MOK: variants seen among roughly 807,000 people sequenced by gnomAD.
MOK encodes the protein MOK protein kinase.
MOK carries 59 observed loss-of-function variants against 54.2 expected under a neutral mutation model. That is an observed-to-expected ratio of 1.09 (90% CI 0.88 to 1.35). The LOEUF (loss-of-function observed/expected upper bound fraction) is 1.35, where lower values mean the gene tolerates loss of function less well. Among genes scored for constraint, MOK ranks in the 40% most tolerant of loss-of-function variants. MOK has a pLI of 0.00. For synonymous variants in MOK, 210 were observed against 202.7 expected (o/e 1.04, Z -0.31); for missense variants, 517 against 526.2 (o/e 0.98, Z 0.17).
chr14:102,247,752 T>G (rs576762163), intron 7 of MOK, among the ~76,000 whole-genome samples: 1 of 152,326 alleles, frequency 6.6e-6, no homozygotes, highest in Admixed American at 6.5e-5. Context: ...ATGAACAGTG[T>G]TGCTTTTATC....
intron 2 of MOK, among the ~76,000 whole-genome samples, chr14:102,269,583 C>T (rs2068192821): frequency 6.6e-6 from 1 of 151,756 alleles, no homozygotes; most frequent in African/African-American, 2.4e-5. Context: ...AGTGATTCTC[C>T]TGCCTCAGCC....
At chr14:102,269,465 C>G (rs901827752) in intron 2 of MOK, among the ~76,000 whole-genome samples, 1 of 149,946 alleles carries the variant, frequency 6.7e-6, no homozygotes, top group African/African-American at 2.5e-5. Flanking sequence ...GCCACCACAA[C>G]CAGCTTTTTT....
At chr14:102,258,896 C>T (rs2067177109) in intron 4 of MOK, among the ~76,000 whole-genome samples, 1 of 152,102 alleles carries the variant, frequency 6.6e-6, no homozygotes, top group Admixed American at 6.6e-5. Context: ...GAAACCCCGT[C>T]TCTACTAAAA....
intron 2 of MOK, among the ~76,000 whole-genome samples, chr14:102,269,674 T>C (rs2068201191): frequency 6.6e-6 from 1 of 151,910 alleles, no homozygotes; most frequent in African/African-American, 2.4e-5. Context: ...GGTTTCACCA[T>C]GTTGGCCAGG....
At chr14:102,233,451 G>A in intron 8 of MOK, 1 of 498,830 alleles carries the variant, frequency 2.0e-6, no homozygotes, top group African/African-American at 1.9e-5. Flanking sequence ...CCAGCCCTCA[G>A]AAAGCCTGTG....
At chr14:102,255,071 G>C (rs930788306) in intron 4 of MOK, among the ~76,000 whole-genome samples, 7 of 152,212 alleles carry the variant, frequency 4.6e-5, no homozygotes, top group African/African-American at 1.7e-4. Context: ...TGTAATCCCA[G>C]CACTTTGGGA....
intron 4 of MOK, among the ~76,000 whole-genome samples, chr14:102,256,696 T>C (rs1260428785): frequency 6.7e-6 from 1 of 149,930 alleles, no homozygotes; most frequent in East Asian, 1.9e-4. Flanking sequence ...CCACTGCACC[T>C]GGCCCTATGA....
chr14:102,223,044 G>A (rs1036938751), downstream of MOK: 4 of 689,536 alleles, frequency 5.8e-6, no homozygotes, highest in Admixed American at 3.0e-5. Context: ...GCGGCGCCGT[G>A]CTCCCGCTGC....
intron 2 of MOK, among the ~76,000 whole-genome samples, chr14:102,271,474 A>T (rs1313523522): frequency 2.0e-5 from 3 of 152,236 alleles, no homozygotes; most frequent in Admixed American, 1.3e-4. Flanking sequence ...AAATACTCTT[A>T]CACAAACTTT....
rs578177819 is a variant in MOK at position 102,276,009 on chromosome 14, T to C, written c.122+7469A>G. 2.7e-3 allele frequency among the ~76,000 whole-genome samples: 415 copies of C among 152,244 alleles called. 2 individuals carry two copies. The highest frequency in any genetic ancestry group is 4.8e-3 in the Non-Finnish European group (325 of 68,016). On this transcript the variant is annotated intron_variant, in intron 2 of 11. Transcript: ENST00000361847. ...CAGGCAATTCATAAATGAAGATACATGAATGGCCAATAAGTACATGATCAA... is the reference window on the plus strand; with the variant it reads ...CAGGCAATTCATAAATGAAGATACACGAATGGCCAATAAGTACATGATCAA...
At chr14:102,279,006 C>T (rs1171655563) in intron 2 of MOK, among the ~76,000 whole-genome samples, 1 of 152,092 alleles carries the variant, frequency 6.6e-6, no homozygotes, top group Non-Finnish European at 1.5e-5. Flanking sequence ...CTGTGGTTAT[C>T]CCCATTGTAT....
At chr14:102,294,352 A>C (rs1442945235) in intron 1 of MOK, among the ~76,000 whole-genome samples, 1 of 151,804 alleles carries the variant, frequency 6.6e-6, no homozygotes, top group Non-Finnish European at 1.5e-5. Context: ...AGGCTGAGGC[A>C]GGAAAATGGC....
intron 3 of MOK, 112 bp from the exon 4 acceptor site, chr14:102,263,728 T>C (rs2067663059): frequency 3.1e-6 from 2 of 635,170 alleles, no homozygotes; most frequent in Admixed American, 6.1e-5. Flanking sequence ...TACTCCCACA[T>C]CAAATACTAC....
At chr14:102,241,680 A>G (rs1358879467) in intron 7 of MOK, among the ~76,000 whole-genome samples, 1 of 152,184 alleles carries the variant, frequency 6.6e-6, no homozygotes, top group African/African-American at 2.4e-5. Context: ...CAAAAATTAG[A>G]TTCCGGCCCT....
intron 10 of MOK, 162 bp from the exon 11 acceptor site, chr14:102,229,819 G>C (rs2064502425): frequency 1.5e-6 from 1 of 665,242 alleles, no homozygotes; most frequent in Non-Finnish European, 2.5e-6. Context: ...CCCCAAGGGA[G>C]TGGCTGCCCA....
downstream of MOK, chr14:102,225,049 T>A (rs1415048606): frequency 6.2e-6 from 2 of 321,274 alleles, no homozygotes; most frequent in Admixed American, 9.2e-5. Flanking sequence ...GGAACTACTT[T>A]TGAAAATAAA....
chr14:102,261,935 C>T (rs1172883083), intron 4 of MOK, among the ~76,000 whole-genome samples: 6 of 149,974 alleles, frequency 4.0e-5, no homozygotes, highest in African/African-American at 1.5e-4. Flanking sequence ...GCTCCACCTC[C>T]TGTTACACCA....
chr14:102,281,025 C>G (rs2069362753), intron 2 of MOK, among the ~76,000 whole-genome samples: 1 of 151,960 alleles, frequency 6.6e-6, no homozygotes. Flanking sequence ...CCTGTCTCTA[C>G]AAAAATACAA....
rs1253153371 is a variant in MOK at position 102,305,052 on chromosome 14, C to G, written c.-84G>C. On this transcript the variant is annotated 5_prime_UTR_variant, in exon 1 of 12. Coordinates refer to ENST00000361847, the MANE Select transcript of MOK (RefSeq NM_014226.3). ...AGGAAGGTTGTCCCCCTGCTTTCCA[C>G]TTCCCTGAGGCGGGGTCCCGCACTA... is the stretch of plus-strand genomic sequence containing the variant. 3 of 1,512,012 alleles carry G rather than the reference C, an allele frequency of 2.0e-6. No homozygotes were observed. The highest frequency in any genetic ancestry group is 2.7e-5 in the African/African-American group (2 of 72,994). The allele number at this position is 1,512,012 out of a possible 1,614,324, so 93.7% of individuals were successfully genotyped here.
Sources: allele counts gnomAD v4.1 joint callset (sites outside exome capture counted in the v4.1 genomes callset), GRCh38; gene constraint gnomAD v4.1.1; transcripts MANE v1.5; gene names NCBI Gene and HGNC (gene_info 2026-07-23, HGNC 2026-07-21).